Variants in AQR observed in about 807,000 individuals in gnomAD.
The protein encoded by AQR is RNA helicase aquarius.
A neutral mutation model predicts 180.5 loss-of-function variants in AQR; 61 were observed. The observed-to-expected ratio is 0.34, with a 90% CI of 0.28 to 0.42. The LOEUF (loss-of-function observed/expected upper bound fraction) is 0.42. AQR is among the 10% of genes least tolerant of loss of function. The probability of loss-of-function intolerance (pLI) is 1.00; values close to 1 mark genes in which losing one functional copy is unlikely to be tolerated. For missense variants in AQR, 1,281 were observed against 1,798.3 expected, an observed-to-expected ratio of 0.71 and a Z score of 5.20; for synonymous variants, 551 against 588.8, an observed-to-expected ratio of 0.94 and a Z score of 0.93.
rs57627687 is a variant in AQR at position 34,858,320 on chromosome 15, CAAAAAAAA to C, written c.4144-1222_4144-1215del. Reference sequence around the variant, plus strand: ...TAAAAAGTACCGTGCACGACAGCAGCAAAAAAAAAAAAAAAAAAAAAGAAAACGAAAAA... The same window carrying C: ...TAAAAAGTACCGTGCACGACAGCAGCAAAAAAAAAAAAAGAAAACGAAAAA... On this transcript the variant is annotated intron_variant, in intron 34 of 34. Transcript: ENST00000156471. Among the ~76,000 whole-genome samples the C allele has an allele frequency of 1.9e-4, 16 of 86,064 alleles. No individual in the cohort carries two copies. The South Asian group carries it at 2.2e-3, about 12-fold the overall frequency. 56.5% of individuals were successfully genotyped at this position (86,064 alleles called of 152,430 possible). A position where few individuals can be genotyped will look rare whatever the true frequency, so the allele number is the denominator to read the frequency against.
chr15:34,861,288 C>T (rs948241943), intron 33 of AQR, among the ~76,000 whole-genome samples: 6 of 152,114 alleles, frequency 3.9e-5, no homozygotes, highest in Admixed American at 3.9e-4. Context: ...GGTCAGAACT[C>T]GTATGTACAA....
At chr15:34,863,098 C>CTT (rs113629233) in intron 32 of AQR, 57 bp from the exon 33 acceptor site, 482 of 1,148,822 alleles carry the variant, frequency 4.2e-4, no homozygotes, top group African/African-American at 9.9e-4. Flanking sequence ...ATTTAAGCAG[C>CTT]TTTTTTTTTT....
intron 34 of AQR, among the ~76,000 whole-genome samples, chr15:34,859,218 C>T (rs772864702): frequency 7.2e-5 from 11 of 152,152 alleles, no homozygotes; most frequent in Admixed American, 2.6e-4. Context: ...ATAAAATATA[C>T]AGCCTAATAA....
At chr15:34,964,211 A>C in intron 2 of AQR, 23 bp downstream of exon 2, 1 of 1,546,260 alleles carries the variant, frequency 6.5e-7, no homozygotes, top group Non-Finnish European at 8.9e-7. Context: ...CTCAAGAATT[A>C]TGTTGAAACC....
chr15:34,883,340 G>C (rs1283789550), intron 26 of AQR, among the ~76,000 whole-genome samples: 1 of 152,124 alleles, frequency 6.6e-6, no homozygotes, highest in East Asian at 1.9e-4. Context: ...GAGCAGAAAA[G>C]AGTATGGAAA....
chr15:34,889,868 T>G (rs1893116699), intron 24 of AQR, among the ~76,000 whole-genome samples: 1 of 152,176 alleles, frequency 6.6e-6, no homozygotes, highest in Non-Finnish European at 1.5e-5. Context: ...AATTCCTGAA[T>G]AAGATGTGAA....
Position 34,906,530 on chromosome 15 carries a change from T to C in AQR, c.1831+15A>G, listed in dbSNP as rs906590977. The C allele has an allele frequency of 1.9e-6, 3 of 1,613,100 alleles. No individual in the cohort carries two copies. The highest frequency in any genetic ancestry group is 1.7e-5 in the Admixed American group (1 of 59,892). On this transcript the variant is annotated intron_variant, in intron 18 of 34. Transcript: ENST00000156471. ...TTCTATACACATACTCTTTCAAAAA[T>C]ATAGGTCACCATACCATCTTCAATG...
At chr15:34,946,529 T>TG (rs1894121354) in intron 5 of AQR, among the ~76,000 whole-genome samples, 1 of 93,520 alleles carries the variant, frequency 1.1e-5, no homozygotes, top group African/African-American at 4.2e-5. Context: ...GGGAGGGAGG[T>TG]GAGGGGGTCA....
chr15:34,950,099 T>G (rs1446688043), intron 4 of AQR, among the ~76,000 whole-genome samples: 2 of 133,486 alleles, frequency 1.5e-5, no homozygotes, highest in African/African-American at 5.6e-5. Context: ...TTTTTTTTTT[T>G]TTTTTTTTTG....
At chr15:34,949,117 T>C (rs1894176248) in intron 4 of AQR, among the ~76,000 whole-genome samples, 1 of 151,792 alleles carries the variant, frequency 6.6e-6, no homozygotes, top group Non-Finnish European at 1.5e-5. Context: ...CTCTGCCTCC[T>C]GAGTAGCTGG....
chr15:34,915,232 A>C (rs1893563381), intron 15 of AQR, 53 bp from the exon 16 acceptor site: 2 of 1,433,820 alleles, frequency 1.4e-6, no homozygotes, highest in African/African-American at 1.4e-5. Context: ...TTTGAGACGG[A>C]GTCTCACTCT....
chr15:34,905,665 T>G (rs1241918323), intron 18 of AQR, among the ~76,000 whole-genome samples: 1 of 151,784 alleles, frequency 6.6e-6, no homozygotes, highest in Non-Finnish European at 1.5e-5. Flanking sequence ...ACCACTACAA[T>G]GAATTAAAAT....
intron 30 of AQR, among the ~76,000 whole-genome samples, chr15:34,871,413 G>C (rs1254508062): frequency 2.7e-5 from 4 of 149,102 alleles, no homozygotes; most frequent in African/African-American, 7.7e-5. Flanking sequence ...AGACTGAGGT[G>C]GGGGGATCGC....
intron 13 of AQR, among the ~76,000 whole-genome samples, chr15:34,921,798 C>T (rs1035225809): frequency 5.3e-5 from 8 of 152,048 alleles, no homozygotes; most frequent in Admixed American, 3.9e-4. Context: ...TGGAATCACA[C>T]ATTAGGTAGT....
intron 12 of AQR, among the ~76,000 whole-genome samples, chr15:34,929,490 G>C (rs1893816862): frequency 6.6e-6 from 1 of 152,158 alleles, no homozygotes; most frequent in African/African-American, 2.4e-5. Context: ...TCAAAGATCA[G>C]ATGGTTGCAG....
chr15:34,923,641 T>C (rs894484345), intron 13 of AQR, among the ~76,000 whole-genome samples: 1 of 152,230 alleles, frequency 6.6e-6, no homozygotes, highest in Non-Finnish European at 1.5e-5. Flanking sequence ...TGTTCATACT[T>C]TGCATATAGA....
intron 15 of AQR, 55 bp downstream of exon 15, chr15:34,918,203 T>C: frequency 1.3e-6 from 2 of 1,583,922 alleles, no homozygotes; most frequent in South Asian, 2.3e-5. Flanking sequence ...CAATTATATA[T>C]GATAAATCTG....
intron 13 of AQR, 90 bp downstream of exon 13, chr15:34,926,945 T>TTAATTAAATGATTA (rs1230728622): frequency 1.5e-6 from 1 of 673,616 alleles, no homozygotes; most frequent in Non-Finnish European, 2.3e-6. Flanking sequence ...TTATCTAAAG[T>TTAATTAAATGATTA]ACTGCAAAAT....
At position 34,863,497 on chromosome 15, in the gene AQR, G is replaced by A. The variant is rs541198162; in HGVS notation, c.3855-456C>T. 1.4e-4 allele frequency among the ~76,000 whole-genome samples: 22 copies of A among 152,098 alleles called. No homozygotes were observed. In the East Asian group the frequency reaches 3.9e-3, roughly 27 times the overall value. ...TTATTTACAATAATAAGTACATATGGAAATACAGTATGATGTTATAAAACA... is the reference window on the plus strand; with the variant it reads ...TTATTTACAATAATAAGTACATATGAAAATACAGTATGATGTTATAAAACA... On this transcript the variant is annotated intron_variant, in intron 32 of 34. Transcript: ENST00000156471.
Sources: gnomAD v4.1 joint callset for allele counts (sites outside exome capture counted in the v4.1 genomes callset) on GRCh38, gnomAD v4.1.1 for gene constraint, MANE v1.5 for transcripts, NCBI Gene and HGNC (gene_info 2026-07-23, HGNC 2026-07-21) for gene names.